NLGN1: variants seen among roughly 807,000 people sequenced by gnomAD.
NLGN1 encodes the protein neuroligin-1.
In NLGN1, 12 loss-of-function variants were observed where a neutral mutation model predicts 65.5. That is an observed-to-expected ratio of 0.18 (90% CI 0.12 to 0.30). The LOEUF (loss-of-function observed/expected upper bound fraction) is 0.30. NLGN1 is among the 10% of genes least tolerant of loss of function. NLGN1 has a pLI of 1.00. For missense variants in NLGN1, 750 were observed against 1,007.1 expected, an observed-to-expected ratio of 0.74 and a Z score of 3.46; for synonymous variants, 350 against 359.5, an observed-to-expected ratio of 0.97 and a Z score of 0.30.
At chr3:173,745,467 C>CT (rs138024712) in intron 3 of NLGN1, among the ~76,000 whole-genome samples, 6,323 of 151,504 alleles carry the variant, frequency 0.042, 457 homozygotes, top group African/African-American at 0.14. Flanking sequence ...ACATCTAAAG[C>CT]TTTTTTTTAC....
rs1232345571 is a variant in NLGN1, at chr3:174,261,481, CTGTT to C, written c.647-13830_647-13827del. On this transcript the variant is annotated intron_variant, in intron 4 of 6. Transcript: ENST00000457714. ...GGGAGTTCACTCATGATTTGGCTCT[CTGTT>C]TGTCTGTTTTTGGTGTATAAGAATG... Among the ~76,000 whole-genome samples the C allele has an allele frequency of 3.3e-5, 5 of 149,568 alleles. No homozygotes were observed. In the East Asian group the frequency reaches 6.0e-4, roughly 18 times the overall value.
rs146892272 is a variant in NLGN1 at position 174,027,059 on chromosome 3, A to AT, written c.646+219234dup. 4.6e-5 allele frequency among the ~76,000 whole-genome samples: 6 copies of AT among 130,438 alleles called. No homozygotes were observed. The East Asian group carries it at 1.2e-3, about 26-fold the overall frequency. 85.6% of individuals were successfully genotyped at this position (130,438 alleles called of 152,430 possible). ...GCTTGGCTAAGTTTGGTCTAGTTCA[A>AT]TTTTTTTAAAAAAAAAAAAAGAAAA... On this transcript the variant is annotated intron_variant, in intron 4 of 6. Transcript: ENST00000457714.
At chr3:173,993,783 A>G (rs1194435526) in intron 4 of NLGN1, among the ~76,000 whole-genome samples, 1 of 151,686 alleles carries the variant, frequency 6.6e-6, no homozygotes, top group African/African-American at 2.4e-5. Flanking sequence ...TATATATATA[A>G]ATGGTATATA....
At chr3:173,525,403 A>G (rs576552313) in intron 2 of NLGN1, among the ~76,000 whole-genome samples, 2 of 152,154 alleles carry the variant, frequency 1.3e-5, no homozygotes, top group South Asian at 4.1e-4. Flanking sequence ...GTTTGTGCAC[A>G]TGGAGACATT....
intron 4 of NLGN1, among the ~76,000 whole-genome samples, chr3:173,830,992 G>T (rs1181870188): frequency 3.3e-5 from 5 of 152,158 alleles, no homozygotes; most frequent in Non-Finnish European, 5.9e-5. Flanking sequence ...AAAATAGGGA[G>T]ATCGCTTCAG....
chr3:173,951,457 C>CTTTTTTTT (rs67595515), intron 4 of NLGN1, among the ~76,000 whole-genome samples: 1 of 142,606 alleles, frequency 7.0e-6, no homozygotes, highest in Non-Finnish European at 1.5e-5. Flanking sequence ...AGGTATCATT[C>CTTTTTTTT]TTTTTTTTTT....
At chr3:173,766,966 A>G (rs1778872788) in intron 3 of NLGN1, among the ~76,000 whole-genome samples, 1 of 152,126 alleles carries the variant, frequency 6.6e-6, no homozygotes, top group Non-Finnish European at 1.5e-5. Flanking sequence ...GATCTGCTGT[A>G]TTTCTTCCTA....
intron 4 of NLGN1, among the ~76,000 whole-genome samples, chr3:173,890,643 A>G (rs1735159068): frequency 6.6e-6 from 1 of 152,194 alleles, no homozygotes; most frequent in African/African-American, 2.4e-5. Context: ...AAATTGATTT[A>G]TTATTATGAA....
chr3:173,621,208 GTTA>G (rs1368597730), intron 3 of NLGN1, among the ~76,000 whole-genome samples: 1 of 152,112 alleles, frequency 6.6e-6, no homozygotes, highest in African/African-American at 2.4e-5. Flanking sequence ...AGGAAGAAAT[GTTA>G]TAGCTCTTCA....
At chr3:173,689,190 A>C (rs918995609) in intron 3 of NLGN1, among the ~76,000 whole-genome samples, 1 of 152,082 alleles carries the variant, frequency 6.6e-6, no homozygotes, top group Admixed American at 6.6e-5. Context: ...GCTTGTTCTC[A>C]ACTCAATATC....
At chr3:173,911,470 T>C (rs1157351453) in intron 4 of NLGN1, among the ~76,000 whole-genome samples, 1 of 152,182 alleles carries the variant, frequency 6.6e-6, no homozygotes, top group Non-Finnish European at 1.5e-5. Context: ...TTTCTCTCCT[T>C]CAATATATGT....
chr3:173,521,553 T>C (rs1734764503), intron 2 of NLGN1, among the ~76,000 whole-genome samples: 1 of 152,224 alleles, frequency 6.6e-6, no homozygotes, highest in Non-Finnish European at 1.5e-5. Context: ...TTCACTAATT[T>C]TTCAGATCAC....
chr3:173,953,064 C>T (rs1332997760), intron 4 of NLGN1, among the ~76,000 whole-genome samples: 4 of 152,178 alleles, frequency 2.6e-5, no homozygotes, highest in Admixed American at 6.5e-5. Flanking sequence ...CAGGCGTGAG[C>T]CACCGTGCTC....
intron 2 of NLGN1, among the ~76,000 whole-genome samples, chr3:173,526,922 G>T (rs1735738400): frequency 6.6e-6 from 1 of 152,126 alleles, no homozygotes; most frequent in South Asian, 2.1e-4. Context: ...CAAATGTCAG[G>T]ATCTCATTCG....
At chr3:173,536,971 A>G (rs1307291166) in intron 2 of NLGN1, among the ~76,000 whole-genome samples, 1 of 152,158 alleles carries the variant, frequency 6.6e-6, no homozygotes, top group Non-Finnish European at 1.5e-5. Flanking sequence ...GCAACAGAAG[A>G]CCAATGTCCT....
At chr3:173,756,725 G>T (rs1349733320) in intron 3 of NLGN1, among the ~76,000 whole-genome samples, 2 of 149,414 alleles carry the variant, frequency 1.3e-5, no homozygotes, top group Non-Finnish European at 3.0e-5. Context: ...CATTTATTTT[G>T]TTCAGAAAAC....
At chr3:173,962,085 T>TA (rs1434159517) in intron 4 of NLGN1, among the ~76,000 whole-genome samples, 2 of 152,076 alleles carry the variant, frequency 1.3e-5, no homozygotes, top group African/African-American at 4.8e-5. Flanking sequence ...AGAAGAGAGT[T>TA]AAAAAAATTA....
chr3:173,421,798 G>A (rs247965), intron 1 of NLGN1, among the ~76,000 whole-genome samples: 24,409 of 152,086 alleles, frequency 0.16, 2,208 homozygotes, highest in Middle Eastern at 0.29. Flanking sequence ...TAGGATTATA[G>A]ACATGAGCTA....
At chr3:174,093,599 C>T (rs537618095) in intron 4 of NLGN1, among the ~76,000 whole-genome samples, 1 of 152,180 alleles carries the variant, frequency 6.6e-6, no homozygotes, top group African/African-American at 2.4e-5. Flanking sequence ...TGTACATTAG[C>T]CTATTTGATA....
Sources: allele counts gnomAD v4.1 joint callset (sites outside exome capture counted in the v4.1 genomes callset), GRCh38; gene constraint gnomAD v4.1.1; transcripts MANE v1.5; gene names NCBI Gene and HGNC (gene_info 2026-07-23, HGNC 2026-07-21).